Variants in SCFD2 observed in about 807,000 individuals in gnomAD.
The protein encoded by SCFD2 is sec1 family domain containing 2, also known as sec1 family domain-containing protein 2.
Under a neutral mutation model 58.9 loss-of-function variants are expected in SCFD2, and 54 were observed. The observed-to-expected ratio is 0.92, with a 90% CI of 0.74 to 1.15. The LOEUF (loss-of-function observed/expected upper bound fraction) is 1.15, where lower values mean the gene tolerates loss of function less well. Among genes scored for constraint, SCFD2 ranks in the 50% most tolerant of loss-of-function variants. The probability of loss-of-function intolerance (pLI) is 0.00; values close to 1 mark genes in which losing one functional copy is unlikely to be tolerated. For missense variants in SCFD2, 805 were observed against 836.6 expected, an observed-to-expected ratio of 0.96 and a Z score of 0.47; for synonymous variants, 321 against 335.9, an observed-to-expected ratio of 0.96 and a Z score of 0.49.
intron 5 of SCFD2, among the ~76,000 whole-genome samples, chr4:52,980,140 T>C (rs950120342): frequency 6.6e-6 from 1 of 152,216 alleles, no homozygotes; most frequent in South Asian, 2.1e-4. Context: ...GGTAATGGTG[T>C]TCCATTTCTT....
intron 5 of SCFD2, among the ~76,000 whole-genome samples, chr4:53,103,837 G>T (rs1417889857): frequency 7.1e-6 from 1 of 140,262 alleles, no homozygotes; most frequent in Non-Finnish European, 1.5e-5. Context: ...TGCCGTAAGG[G>T]TTGACAACAC....
At chr4:52,933,207 C>G (rs921592642) in intron 5 of SCFD2, among the ~76,000 whole-genome samples, 5 of 152,112 alleles carry the variant, frequency 3.3e-5, no homozygotes, top group African/African-American at 1.2e-4. Flanking sequence ...CAGCAGCTCT[C>G]TCTGTTTCCC....
chr4:53,069,817 T>C (rs1723767604), intron 5 of SCFD2, among the ~76,000 whole-genome samples: 1 of 152,096 alleles, frequency 6.6e-6, no homozygotes, highest in Non-Finnish European at 1.5e-5. Context: ...TAGAGATTGT[T>C]TTCTCCCTGA....
intron 5 of SCFD2, among the ~76,000 whole-genome samples, chr4:53,102,056 T>C (rs1724845800): frequency 6.6e-6 from 1 of 152,190 alleles, no homozygotes; most frequent in Non-Finnish European, 1.5e-5. Context: ...GGAACATGAA[T>C]GCACATGCAA....
At chr4:52,894,945 GA>G (rs1009571082) in intron 7 of SCFD2, among the ~76,000 whole-genome samples, 1 of 152,198 alleles carries the variant, frequency 6.6e-6, no homozygotes, top group African/African-American at 2.4e-5. Flanking sequence ...CATTATGGAA[GA>G]ATAGCAAACA....
intron 5 of SCFD2, among the ~76,000 whole-genome samples, chr4:53,005,963 A>C (rs1721962364): frequency 6.6e-6 from 1 of 152,158 alleles, no homozygotes; most frequent in Non-Finnish European, 1.5e-5. Context: ...AGGAGAAAAG[A>C]GGAAGGAGGG....
At chr4:53,216,103 T>A (rs1394248154) in intron 4 of SCFD2, among the ~76,000 whole-genome samples, 1 of 152,208 alleles carries the variant, frequency 6.6e-6, no homozygotes, top group Non-Finnish European at 1.5e-5. Context: ...TGATCTAAAA[T>A]TCTCTTTTTT....
intron 4 of SCFD2, among the ~76,000 whole-genome samples, chr4:53,178,403 C>T (rs192097915): frequency 2.6e-5 from 4 of 152,282 alleles, no homozygotes; most frequent in Non-Finnish European, 5.9e-5. Context: ...TGGAGTGGAC[C>T]TCTAGCAAAC....
intron 7 of SCFD2, among the ~76,000 whole-genome samples, chr4:52,887,971 T>C (rs373698821): frequency 0.026 from 3,478 of 135,122 alleles, 157 homozygotes; most frequent in African/African-American, 0.097. Flanking sequence ...ACTGCAGTGG[T>C]GCGATCTCGG....
chr4:53,300,527 G>A (rs1198383862), intron 3 of SCFD2, among the ~76,000 whole-genome samples: 1 of 151,936 alleles, frequency 6.6e-6, no homozygotes, highest in Non-Finnish European at 1.5e-5. Context: ...ACTGTCCACA[G>A]TAGACAGATC....
chr4:53,227,550 G>T (rs2412401), intron 4 of SCFD2, among the ~76,000 whole-genome samples: 87 of 152,082 alleles, frequency 5.7e-4, no homozygotes, highest in Non-Finnish European at 1.1e-3. Context: ...GTCTTTGCAT[G>T]AATTTAAAAA....
intron 5 of SCFD2, among the ~76,000 whole-genome samples, chr4:53,002,894 C>T (rs1438042609): frequency 2.0e-5 from 3 of 152,106 alleles, no homozygotes; most frequent in African/African-American, 4.8e-5. Context: ...TTACTCATGG[C>T]GGAAGGCAAA....
rs1186398035 is a variant in SCFD2 at position 53,145,381 on chromosome 4, C to A, written c.1513G>T (p.Val505Phe). 5 of 1,614,034 alleles carry A rather than the reference C, an allele frequency of 3.1e-6. No homozygotes were observed. Among genetic ancestry groups the A allele is most frequent in the Non-Finnish European group, 4.2e-6 (5 of 1,180,024 alleles). Residue 505 changes from valine (V) to phenylalanine (F), a missense_variant, in exon 5 of 9, where the codon GTC becomes TTC. Transcript: ENST00000401642. ...GACAATCCAGATTCCTCACAGAAGA[C>A]CTGAGCCAATGCTTTCTTGACTTTT... The part of the protein sequence containing the change: ...EEKVKKALAQ[V>F]FCEESGLSPL...
intron 2 of SCFD2, among the ~76,000 whole-genome samples, chr4:53,332,016 T>C (rs1443954918): frequency 1.3e-5 from 2 of 152,142 alleles, no homozygotes; most frequent in Non-Finnish European, 1.5e-5. Flanking sequence ...ATAAATTCCT[T>C]GCCACATACA....
chr4:52,884,265 G>A (rs1718684081), intron 8 of SCFD2, among the ~76,000 whole-genome samples: 1 of 152,190 alleles, frequency 6.6e-6, no homozygotes, highest in Non-Finnish European at 1.5e-5. Flanking sequence ...GCAACAGGGA[G>A]GATGTCACAA....
At chr4:53,017,518 TG>T (rs1722244431) in intron 5 of SCFD2, among the ~76,000 whole-genome samples, 1 of 152,238 alleles carries the variant, frequency 6.6e-6, no homozygotes, top group Non-Finnish European at 1.5e-5. Context: ...GACCCAACTA[TG>T]TTTTATCTTT....
intron 5 of SCFD2, among the ~76,000 whole-genome samples, chr4:53,021,374 TTAA>T (rs1197926964): frequency 6.6e-6 from 1 of 152,232 alleles, no homozygotes; most frequent in Non-Finnish European, 1.5e-5. Context: ...TACTTCATTT[TTAA>T]TAATAGCAAC....
rs551431277 is a variant in SCFD2, at chr4:53,081,290, T to C, written c.1561+64043A>G. ...ACTTTTATTTTAAATACAAGGCGTA[T>C]GTGTACAGGTTTGTTGCATGGGAAT... On this transcript the variant is annotated intron_variant, in intron 5 of 8. Transcript: ENST00000401642. 1.1e-4 allele frequency among the ~76,000 whole-genome samples: 17 copies of C among 152,300 alleles called. No individual in the cohort carries two copies. The East Asian group carries it at 1.2e-3, about 10-fold the overall frequency.
intron 4 of SCFD2, among the ~76,000 whole-genome samples, chr4:53,169,879 G>A (rs563659695): frequency 6.6e-6 from 1 of 152,040 alleles, no homozygotes; most frequent in Non-Finnish European, 1.5e-5. Context: ...TCGTTAATTG[G>A]ATTGTTTCTT....
Sources: allele counts gnomAD v4.1 joint callset (sites outside exome capture counted in the v4.1 genomes callset), GRCh38; gene constraint gnomAD v4.1.1; transcripts MANE v1.5; gene names NCBI Gene and HGNC (gene_info 2026-07-23, HGNC 2026-07-21).